The following MTUS2 variants were observed in gnomAD, a reference collection of about 807,000 sequenced individuals.
MTUS2 encodes microtubule-associated tumor suppressor candidate 2.
Under a neutral mutation model 114.1 loss-of-function variants are expected in MTUS2, and 40 were observed. That is an observed-to-expected ratio of 0.35 (90% CI 0.27 to 0.46). The LOEUF (loss-of-function observed/expected upper bound fraction) is 0.46. MTUS2 is among the 20% of genes least tolerant of loss of function. MTUS2 has a pLI of 1.00. For synonymous variants in MTUS2, 688 were observed against 672.0 expected, an observed-to-expected ratio of 1.02 and a Z score of -0.37; for missense variants, 1,679 against 1,705.4, an observed-to-expected ratio of 0.98 and a Z score of 0.27.
chr13:29,414,686 A>C (rs897144377), intron 8 of MTUS2, among the ~76,000 whole-genome samples: 2 of 151,588 alleles, frequency 1.3e-5, no homozygotes. Context: ...CTTGTCATTT[A>C]TTATTTTGTT....
chr13:29,352,337 G>T (rs1401245388), intron 7 of MTUS2, among the ~76,000 whole-genome samples: 1 of 152,208 alleles, frequency 6.6e-6, no homozygotes, highest in Non-Finnish European at 1.5e-5. Flanking sequence ...CAGCCTTCCT[G>T]ATAGCAGAGA....
At chr13:29,233,929 AACAG>A (rs1566081983) in intron 5 of MTUS2, among the ~76,000 whole-genome samples, 1 of 152,210 alleles carries the variant, frequency 6.6e-6, no homozygotes. Flanking sequence ...AAAGGGAAGT[AACAG>A]ACAATTATTT....
chr13:29,107,139 A>C (rs1890702649), intron 5 of MTUS2, among the ~76,000 whole-genome samples: 1 of 152,024 alleles, frequency 6.6e-6, no homozygotes, highest in Admixed American at 6.6e-5. Flanking sequence ...TACTTCCTCT[A>C]AAAATCCCTC....
rs1224717482 is a variant in MTUS2, at chr13:29,380,809, G to T, written c.3117+21336G>T. On this transcript the variant is annotated intron_variant, in intron 8 of 15. Coordinates refer to ENST00000612955, the MANE Select transcript of MTUS2 (RefSeq NM_001033602.4). ...CGGGCACCTGTAGTCCCAGCTACTC[G>T]GGAGGCTGAGGCAGGAGAATGGCGT... Among the ~76,000 whole-genome samples, 4 of 61,546 alleles carry T rather than the reference G, an allele frequency of 6.5e-5. 1 individual carries two copies. Among genetic ancestry groups the T allele is most frequent in the African/African-American group, 1.4e-4 (4 of 28,294 alleles). 40.4% of individuals were successfully genotyped at this position (61,546 alleles called of 152,430 possible). A position where few individuals can be genotyped will look rare whatever the true frequency, so the allele number is the denominator to read the frequency against.
chr13:29,239,327 G>T (rs1367449515), intron 5 of MTUS2: 1 of 152,118 alleles, frequency 6.6e-6, no homozygotes, highest in Non-Finnish European at 1.5e-5. Flanking sequence ...TTTAGAATTT[G>T]TACATTTGAG....
intron 6 of MTUS2, among the ~76,000 whole-genome samples, chr13:29,291,920 C>T (rs1898734298): frequency 6.6e-6 from 1 of 152,184 alleles, no homozygotes; most frequent in Middle Eastern, 3.2e-3. Context: ...CCTTGCATTT[C>T]AAAATCATTT....
At chr13:29,047,853 A>G (rs1887707497) in intron 4 of MTUS2, among the ~76,000 whole-genome samples, 1 of 152,170 alleles carries the variant, frequency 6.6e-6, no homozygotes, top group Admixed American at 6.5e-5. Flanking sequence ...ATCCCTGGCA[A>G]CCACTAGTCT....
chr13:28,841,674 G>T (rs1207656232), intron 2 of MTUS2, among the ~76,000 whole-genome samples: 1 of 151,368 alleles, frequency 6.6e-6, no homozygotes, highest in Admixed American at 6.6e-5. Context: ...GTGTGTGTGT[G>T]TGTTTTTTTT....
At chr13:28,956,281 A>G (rs897354031) in intron 2 of MTUS2, among the ~76,000 whole-genome samples, 20 of 152,030 alleles carry the variant, frequency 1.3e-4, no homozygotes, top group Admixed American at 1.2e-3. Context: ...AGCTTTTTTC[A>G]GTCCCCACCC....
At chr13:29,295,442 C>A (rs950340022) in intron 6 of MTUS2, among the ~76,000 whole-genome samples, 2 of 152,170 alleles carry the variant, frequency 1.3e-5, no homozygotes, top group Non-Finnish European at 2.9e-5. Flanking sequence ...CCTTCCCCAC[C>A]TCTAGTGACC....
At chr13:29,060,306 C>T (rs888959515) in intron 4 of MTUS2, among the ~76,000 whole-genome samples, 11 of 151,950 alleles carry the variant, frequency 7.2e-5, no homozygotes, top group African/African-American at 2.2e-4. Flanking sequence ...AGGGGTGGGG[C>T]GGGGTGTCAA....
intron 4 of MTUS2, among the ~76,000 whole-genome samples, chr13:29,056,656 G>GA (rs767162889): frequency 3.4e-4 from 52 of 151,938 alleles, no homozygotes; most frequent in Middle Eastern, 3.4e-3. Context: ...CAGTGGTAAT[G>GA]TCCCCTTTAT....
At chr13:29,389,015 C>T (rs537361133) in intron 8 of MTUS2, among the ~76,000 whole-genome samples, 12 of 152,208 alleles carry the variant, frequency 7.9e-5, no homozygotes, top group African/African-American at 2.6e-4. Flanking sequence ...CATCCACCCC[C>T]TTCTTTCCTC....
chr13:28,854,940 C>T (rs901775001), intron 2 of MTUS2, among the ~76,000 whole-genome samples: 4 of 152,062 alleles, frequency 2.6e-5, no homozygotes, highest in South Asian at 2.1e-4. Context: ...GCTCTGGTGA[C>T]ACATCCCCTC....
At position 29,201,039 on chromosome 13, in the gene MTUS2, G is replaced by A. The variant is rs927971793; in HGVS notation, c.2645-80665G>A. Among the ~76,000 whole-genome samples, 5 of 152,106 alleles carry A rather than the reference G, an allele frequency of 3.3e-5. No homozygotes were observed. In the East Asian group the frequency reaches 9.7e-4, roughly 29 times the overall value. ...GTCTATTAGGTCTGCTTGGTCCAGA[G>A]CTGAGTTCAAGTCCTGAATATTCTT... On this transcript the variant is annotated intron_variant, in intron 5 of 15. Coordinates refer to ENST00000612955, the MANE Select transcript of MTUS2 (RefSeq NM_001033602.4).
At position 29,482,897 on chromosome 13, in the gene MTUS2, C is replaced by G. The variant is rs79306337; in HGVS notation, c.3399+2533C>G. ...CTGCTGCAGAACGTTGGCTGTTTCCCCAGGCTTCAGTTTCCCTAGCAGAGA... is the reference window on the plus strand; with the variant it reads ...CTGCTGCAGAACGTTGGCTGTTTCCGCAGGCTTCAGTTTCCCTAGCAGAGA... On this transcript the variant is annotated intron_variant, in intron 10 of 15. Transcript: ENST00000612955. Among the ~76,000 whole-genome samples the G allele has an allele frequency of 5.0e-3, 755 of 152,294 alleles. 6 individuals carry two copies. The highest frequency in any genetic ancestry group is 0.017 in the African/African-American group (706 of 41,552).
rs572261516 is a variant in MTUS2, at chr13:29,052,814, A to G, written c.2446+18689A>G. 8.7e-4 allele frequency among the ~76,000 whole-genome samples: 132 copies of G among 152,292 alleles called. 2 individuals are homozygous for G. The highest frequency in any genetic ancestry group is 1.2e-3 in the Non-Finnish European group (85 of 68,014). On this transcript the variant is annotated intron_variant, in intron 4 of 15. Transcript: ENST00000612955. ...CCACCCAAATCTCACCTTGAATTGTAGTTCCCATAATCCCCATGTGTTGTG... is the reference window on the plus strand; with the variant it reads ...CCACCCAAATCTCACCTTGAATTGTGGTTCCCATAATCCCCATGTGTTGTG...
chr13:29,362,275 A>G (rs9508408), intron 8 of MTUS2, among the ~76,000 whole-genome samples: 28,378 of 152,098 alleles, frequency 0.19, 2,813 homozygotes, highest in Middle Eastern at 0.24. Context: ...ATGAGCCACC[A>G]TGCCCAGCTG....
At chr13:28,884,102 A>G (rs3001944) in intron 2 of MTUS2, among the ~76,000 whole-genome samples, 23,774 of 152,196 alleles carry the variant, frequency 0.16, 2,159 homozygotes, top group African/African-American at 0.23. Context: ...ATATTTGTAC[A>G]CTCATGTTCA....
Sources: gnomAD v4.1 joint callset for allele counts (sites outside exome capture counted in the v4.1 genomes callset) on GRCh38, gnomAD v4.1.1 for gene constraint, MANE v1.5 for transcripts, NCBI Gene and HGNC (gene_info 2026-07-23, HGNC 2026-07-21) for gene names.